RERE: variants seen among roughly 807,000 people sequenced by gnomAD.
RERE encodes arginine-glutamic acid dipeptide repeats protein.
Under a neutral mutation model 146.1 loss-of-function variants are expected in RERE, and 40 were observed. That is an observed-to-expected ratio of 0.27 (90% CI 0.21 to 0.36). The LOEUF (loss-of-function observed/expected upper bound fraction) is 0.36, where lower values mean the gene tolerates loss of function less well. RERE is among the 10% of genes least tolerant of loss of function. RERE has a pLI of 1.00. For missense variants in RERE, 1,933 were observed against 2,138.7 expected (o/e 0.90, Z 1.90); for synonymous variants, 1,003 against 866.0 (o/e 1.16, Z -2.78).
At chr1:8,388,372 T>C (rs572142080) in intron 12 of RERE, among the ~76,000 whole-genome samples, 2 of 151,522 alleles carry the variant, frequency 1.3e-5, no homozygotes, top group South Asian at 2.1e-4. Flanking sequence ...GACTGCGGAC[T>C]GCAGTGGCGC....
rs1641220074 is a variant in RERE, at chr1:8,354,682, C to T, written c.*405G>A. 5.7e-6 allele frequency: 1 copy of T among 176,212 alleles called. No individual in the cohort carries two copies. The highest frequency in any genetic ancestry group is 2.4e-5 in the African/African-American group (1 of 42,508). The allele number at this position is 176,212 out of a possible 1,614,324, so 10.9% of individuals were successfully genotyped here. A position where few individuals can be genotyped will look rare whatever the true frequency, so the allele number is the denominator to read the frequency against. On this transcript the variant is annotated 3_prime_UTR_variant, in exon 23 of 23. Transcript: ENST00000400908. The stretch of plus-strand genomic sequence containing the variant: ...TCCAAATTCCTATGCCCCCGATCTG[C>T]AAGCCTCGTGGGCTCTGGAGCACTC...
At chr1:8,462,730 T>C (rs974848008) in intron 11 of RERE, among the ~76,000 whole-genome samples, 2 of 152,188 alleles carry the variant, frequency 1.3e-5, no homozygotes, top group African/African-American at 2.4e-5. Flanking sequence ...CAAATTAATA[T>C]GCCAGCGGCA....
intron 2 of RERE, among the ~76,000 whole-genome samples, chr1:8,638,783 A>AT (rs34276909): frequency 0.043 from 4,329 of 100,168 alleles, 108 homozygotes; most frequent in Middle Eastern, 0.068. Context: ...ACGAAAAAAA[A>AT]TTTTTTTTTT....
Position 8,360,463 on chromosome 1 carries a change from G to A in RERE, c.3044C>T (p.Pro1015Leu), listed in dbSNP as rs781343411. 3.3e-5 allele frequency: 35 copies of A among 1,072,256 alleles called. No homozygotes were observed. Among genetic ancestry groups the A allele is most frequent in the Middle Eastern group, 3.2e-4 (1 of 3,168 alleles). The allele number at this position is 1,072,256 out of a possible 1,614,324, so 66.4% of individuals were successfully genotyped here. The change falls in exon 18 of 23, where the codon CCG becomes CTG. Residue 1015 changes from proline (P) to leucine (L), a missense_variant. Coordinates refer to ENST00000400908, the MANE Select transcript of RERE (RefSeq NM_001042681.2). ...TGTAGGGGGGTGGGAGGCAGGGGGC[G>A]GGGGCAGGTTCTGGCTCTGGGTCAG... ...PGLTQSQNLP[P>L]PPASHPPTGL...
chr1:8,735,646 G>C (rs1377210158), intron 1 of RERE, among the ~76,000 whole-genome samples: 1 of 152,102 alleles, frequency 6.6e-6, no homozygotes, highest in Non-Finnish European at 1.5e-5. Flanking sequence ...GTTGGAGGTG[G>C]GGCCCGGTGG....
chr1:8,659,351 G>A (rs944395328), intron 1 of RERE, among the ~76,000 whole-genome samples: 8 of 152,232 alleles, frequency 5.3e-5, no homozygotes, highest in Admixed American at 1.3e-4. Flanking sequence ...GAGGTCAGGC[G>A]TTCGAAGCCA....
chr1:8,775,294 G>A (rs1019950076), intron 1 of RERE, among the ~76,000 whole-genome samples: 14 of 152,170 alleles, frequency 9.2e-5, no homozygotes, highest in Admixed American at 2.6e-4. Context: ...TTTCTGGGCC[G>A]GGAACAGTGG....
intron 1 of RERE, among the ~76,000 whole-genome samples, chr1:8,764,312 G>A (rs191538199): frequency 1.7e-4 from 26 of 152,212 alleles, no homozygotes; most frequent in African/African-American, 6.3e-4. Flanking sequence ...TCCCAGCCAG[G>A]TGCCTTAGTG....
At chr1:8,568,611 C>G (rs1489764874) in intron 4 of RERE, among the ~76,000 whole-genome samples, 1 of 152,162 alleles carries the variant, frequency 6.6e-6, no homozygotes, top group Non-Finnish European at 1.5e-5. Context: ...TGGATGCCTT[C>G]TACCACATTA....
chr1:8,764,389 T>G (rs1347836311), intron 1 of RERE, among the ~76,000 whole-genome samples: 2 of 152,008 alleles, frequency 1.3e-5, no homozygotes, highest in South Asian at 2.1e-4. Context: ...GGGTACTAAC[T>G]CCAAGACAGA....
chr1:8,501,921 GT>G (rs1645167461), intron 8 of RERE, among the ~76,000 whole-genome samples: 2 of 79,582 alleles, frequency 2.5e-5, no homozygotes, highest in African/African-American at 5.1e-5. Flanking sequence ...CAGCCGCCCC[GT>G]CCGGGAGGGA....
chr1:8,374,112 C>A (rs1416233844), intron 12 of RERE, among the ~76,000 whole-genome samples: 1 of 152,182 alleles, frequency 6.6e-6, no homozygotes, highest in Non-Finnish European at 1.5e-5. Flanking sequence ...CTCCTACGTT[C>A]AAGAGGCCGA....
intron 10 of RERE, among the ~76,000 whole-genome samples, chr1:8,475,527 CA>C (rs1305835837): frequency 6.6e-6 from 1 of 151,488 alleles, no homozygotes; most frequent in Non-Finnish European, 1.5e-5. Flanking sequence ...AAAAGAAATA[CA>C]AAAATTAGCC....
At chr1:8,584,188 G>A (rs1176250655) in intron 4 of RERE, among the ~76,000 whole-genome samples, 3 of 151,942 alleles carry the variant, frequency 2.0e-5, no homozygotes, top group Non-Finnish European at 4.4e-5. Flanking sequence ...AAAAAGAGAA[G>A]TCAGAAAGAA....
At chr1:8,678,414 G>C (rs1638891002) in intron 1 of RERE, among the ~76,000 whole-genome samples, 1 of 152,014 alleles carries the variant, frequency 6.6e-6, no homozygotes, top group South Asian at 2.1e-4. Context: ...GGGAGGCCAA[G>C]GCGGGCAATC....
In RERE at chr1:8,496,471, T is replaced by G. The variant is rs550061323; in HGVS notation, c.1004+934A>C. 5.3e-5 allele frequency among the ~76,000 whole-genome samples: 8 copies of G among 150,958 alleles called. No homozygotes were observed. In the South Asian group the frequency reaches 1.5e-3, roughly 28 times the overall value. ...CAGCCTGGGTGACACAGCAAGACCCTGTTTCAAAAAAACAAAACAAGTAAC... is the reference window on the plus strand; with the variant it reads ...CAGCCTGGGTGACACAGCAAGACCCGGTTTCAAAAAAACAAAACAAGTAAC... On this transcript the variant is annotated intron_variant, in intron 9 of 22. Coordinates refer to ENST00000400908, the MANE Select transcript of RERE (RefSeq NM_001042681.2).
chr1:8,529,365 C>T (rs1570395902), intron 7 of RERE, among the ~76,000 whole-genome samples: 2 of 147,556 alleles, frequency 1.4e-5, no homozygotes, highest in Non-Finnish European at 3.0e-5. Flanking sequence ...TCTCAGCTCA[C>T]TGCAAGCTCC....
intron 4 of RERE, among the ~76,000 whole-genome samples, chr1:8,564,806 G>GTGTA (rs1041237514): frequency 1.4e-5 from 2 of 145,054 alleles, no homozygotes; most frequent in African/African-American, 5.1e-5. Flanking sequence ...TGTGGTGTGT[G>GTGTA]TGTATGTATG....
At chr1:8,416,771 T>C (rs1367420703) in intron 12 of RERE, among the ~76,000 whole-genome samples, 1 of 152,186 alleles carries the variant, frequency 6.6e-6, no homozygotes, top group African/African-American at 2.4e-5. Context: ...AATGATATAC[T>C]ATGCAGGCTC....
Sources: gnomAD v4.1 joint callset for allele counts (sites outside exome capture counted in the v4.1 genomes callset) on GRCh38, gnomAD v4.1.1 for gene constraint, MANE v1.5 for transcripts, NCBI Gene and HGNC (gene_info 2026-07-23, HGNC 2026-07-21) for gene names.